TAB3: variants seen among roughly 807,000 people sequenced by gnomAD.
TAB3 encodes the protein TGF-beta-activated kinase 1 and MAP3K7-binding protein 3.
In TAB3, 18 loss-of-function variants were observed where a neutral mutation model predicts 48.1. The observed-to-expected ratio is 0.37, with a 90% CI of 0.26 to 0.55. The LOEUF (loss-of-function observed/expected upper bound fraction) is 0.55, where lower values mean the gene tolerates loss of function less well. TAB3 is among the 20% of genes least tolerant of loss of function. The pLI, the probability that TAB3 is intolerant of heterozygous loss-of-function variation, is 0.78. For missense variants in TAB3, 414 were observed against 549.8 expected (o/e 0.75, Z 2.47); for synonymous variants, 185 against 190.2 (o/e 0.97, Z 0.22).
At chrX:30,832,608 T>C (rs1938059453) in intron 10 of TAB3, among the ~76,000 whole-genome samples, 1 of 112,494 alleles carries the variant, frequency 8.9e-6, no homozygotes, top group South Asian at 3.7e-4. Flanking sequence ...TTCTAGTTTA[T>C]CAATTTGCCT....
At chrX:30,867,297 T>A (rs1320309679) in intron 3 of TAB3, 79 bp from the exon 4 acceptor site, 1 of 112,198 alleles carries the variant, frequency 8.9e-6, no homozygotes, top group Non-Finnish European at 1.9e-5. Context: ...CATGTTTCAA[T>A]ATTGGTTCAC....
At position 30,831,286 on chromosome X, in the gene TAB3, C is replaced by T. The variant is rs1259700686; in HGVS notation, c.*141G>A. 9.8e-6 allele frequency: 7 copies of T among 716,938 alleles called. No individual in the cohort carries two copies. Among genetic ancestry groups the T allele is most frequent in the African/African-American group, 2.2e-5 (1 of 45,330 alleles). The allele number at this position is 716,938 out of a possible 1,213,427, so 59.1% of individuals were successfully genotyped here. A position where few individuals can be genotyped will look rare whatever the true frequency, so the allele number is the denominator to read the frequency against. ...CCCATTTTTCCTTTCGTGAGCACAA[C>T]GACGACCACAAAGCCATTCCTCCTC... On this transcript the variant is annotated 3_prime_UTR_variant, in exon 11 of 11. Transcript: ENST00000288422.
chrX:30,854,884 A>G lies in TAB3; in HGVS notation c.781T>C (p.Tyr261His). Residue 261 changes from tyrosine to histidine, a missense_variant, in exon 6 of 11, where the codon TAT (tyrosine) becomes CAT (histidine). By Grantham distance (83) the Tyr-to-His change is moderately conservative. Transcript: ENST00000288422. Reference protein sequence around the residue: ...QSSPQGPVPHYSQRPLPVYPH... With the variant: ...QSSPQGPVPHHSQRPLPVYPH... ...TAAACAGGTAAAGGACGCTGGCTAT[A>G]GTGAGGCACTGGGCCCTGTGGTGAG... The G allele has an allele frequency of 8.3e-7, 1 of 1,210,928 alleles. No homozygotes were observed.
At chrX:30,851,196 T>C (rs1938835417) in intron 7 of TAB3, among the ~76,000 whole-genome samples, 1 of 112,210 alleles carries the variant, frequency 8.9e-6, no homozygotes, top group South Asian at 3.7e-4. Context: ...CTATACACGA[T>C]ATTACAAAAA....
intron 7 of TAB3, 103 bp from the exon 8 acceptor site, chrX:30,846,747 AG>A: frequency 2.0e-6 from 1 of 496,378 alleles, no homozygotes; most frequent in Non-Finnish European, 3.4e-6. Flanking sequence ...GGTATTACCA[AG>A]AATACGGCCT....
intron 2 of TAB3, among the ~76,000 whole-genome samples, chrX:30,868,584 T>TAG (rs1251833580): frequency 1.9e-4 from 2 of 10,692 alleles, no homozygotes; most frequent in Admixed American, 3.3e-3. Context: ...TATATATATA[T>TAG]ATAGAGAGAG....
At chrX:30,866,957 A>G (rs954875324) in intron 4 of TAB3, among the ~76,000 whole-genome samples, 158 bp downstream of exon 4, 1 of 110,416 alleles carries the variant, frequency 9.1e-6, no homozygotes, top group Admixed American at 9.6e-5. Context: ...ATCAACAGTG[A>G]TAAGTCACGT....
intron 1 of TAB3, among the ~76,000 whole-genome samples, chrX:30,884,487 A>G (rs973533066): frequency 1.1e-4 from 12 of 110,727 alleles, no homozygotes; most frequent in Non-Finnish European, 1.5e-4. Flanking sequence ...CCCCGAGATC[A>G]TATTTTTAAC....
At chrX:30,861,231 C>T (rs1321044186) in intron 4 of TAB3, among the ~76,000 whole-genome samples, 1 of 112,075 alleles carries the variant, frequency 8.9e-6, no homozygotes, top group Non-Finnish European at 1.9e-5. Flanking sequence ...ACTCAAGTAT[C>T]TGTTAAATGA....
intron 7 of TAB3, among the ~76,000 whole-genome samples, chrX:30,848,084 C>T (rs1938692078): frequency 8.9e-6 from 1 of 112,013 alleles, no homozygotes; most frequent in Non-Finnish European, 1.9e-5. Context: ...CCTAGGAACA[C>T]ATGGAAGAAC....
At chrX:30,837,041 C>CTTTT (rs370702875) in intron 9 of TAB3, among the ~76,000 whole-genome samples, 2 of 36,568 alleles carry the variant, frequency 5.5e-5, no homozygotes, top group Admixed American at 4.5e-4. Context: ...AAAATGACAT[C>CTTTT]TTTTTTTTTT....
intron 1 of TAB3, among the ~76,000 whole-genome samples, chrX:30,874,292 CTG>C (rs766311256): frequency 8.9e-6 from 1 of 112,277 alleles, no homozygotes; most frequent in South Asian, 3.7e-4. Context: ...CTATTAAGAA[CTG>C]TATTGTATGT....
intron 2 of TAB3, among the ~76,000 whole-genome samples, chrX:30,868,216 T>C (rs1240993655): frequency 1.0e-5 from 1 of 98,520 alleles, no homozygotes; most frequent in Non-Finnish European, 2.0e-5. Context: ...TTTAATTGCA[T>C]AGCACAAAGT....
rs374389096 is a variant in TAB3 at position 30,854,506 on chromosome X, T to C, written c.1159A>G (p.Ile387Val). ...TTCCGTGGAGATGGTTGATTACTGA[T>C]GGGTGAAGGACTCCTATTAATTGCT... ...GTAINRSPSP[I>V]SNQPSPRNQH... is the part of the protein sequence containing the mutation. Residue 387 changes from isoleucine (I) to valine (V), a missense_variant, in exon 6 of 11, where the codon ATC becomes GTC. Ile to Val is a conservative substitution (Grantham distance 29). Coordinates refer to ENST00000288422, the MANE Select transcript of TAB3 (RefSeq NM_152787.5). 2 of 1,211,031 alleles carry C rather than the reference T, an allele frequency of 1.7e-6. No homozygotes were observed. Among genetic ancestry groups the C allele is most frequent in the South Asian group, 3.5e-5 (2 of 56,934 alleles).
chrX:30,861,634 T>G (rs1055188867), intron 4 of TAB3, among the ~76,000 whole-genome samples: 4 of 111,886 alleles, frequency 3.6e-5, no homozygotes, highest in African/African-American at 1.3e-4. Context: ...TCTTCCATTT[T>G]CACAGTAAAG....
intron 1 of TAB3, among the ~76,000 whole-genome samples, chrX:30,881,610 T>A (rs1940001078): frequency 8.9e-6 from 1 of 111,838 alleles, no homozygotes; most frequent in South Asian, 3.7e-4. Flanking sequence ...TAGTGACTAG[T>A]GTTGATTCAT....
chrX:30,838,469 G>A (rs1187270099), intron 9 of TAB3, among the ~76,000 whole-genome samples: 1 of 111,703 alleles, frequency 9.0e-6, no homozygotes, highest in Non-Finnish European at 1.9e-5. Flanking sequence ...AAGACTTCTG[G>A]ATGCTCTTTT....
At chrX:30,873,415 C>G (rs1038723284) in intron 1 of TAB3, among the ~76,000 whole-genome samples, 3 of 107,722 alleles carry the variant, frequency 2.8e-5, no homozygotes, top group African/African-American at 1.0e-4. Context: ...GTCCCAGCTA[C>G]TCGGGAGGCT....
intron 7 of TAB3, among the ~76,000 whole-genome samples, chrX:30,850,869 T>C (rs1166495169): frequency 9.1e-6 from 1 of 110,139 alleles, no homozygotes; most frequent in East Asian, 2.8e-4. Flanking sequence ...CAATATTTTA[T>C]TTAGCAGGGA....
Sources: gnomAD v4.1 joint callset for allele counts (sites outside exome capture counted in the v4.1 genomes callset) on GRCh38, gnomAD v4.1.1 for gene constraint, MANE v1.5 for transcripts, NCBI Gene and HGNC (gene_info 2026-07-23, HGNC 2026-07-21) for gene names.